The following RNF150 variants were observed in gnomAD, a reference collection of about 807,000 sequenced individuals.
RNF150 encodes ring finger protein 150.
A neutral mutation model predicts 39.3 loss-of-function variants in RNF150; 24 were observed. The ratio of observed to expected loss-of-function variants is 0.61; its 90% CI spans 0.44 to 0.86. The LOEUF is 0.86. Ranked by LOEUF, RNF150 falls within the 40% of genes least tolerant of loss-of-function variation. The pLI is 0.00. For missense variants in RNF150, 502 were observed against 587.8 expected (o/e 0.85, Z 1.51); for synonymous variants, 255 against 227.3 (o/e 1.12, Z -1.10).
At chr4:141,083,094 C>G (rs1177203385) in intron 1 of RNF150, among the ~76,000 whole-genome samples, 1 of 152,150 alleles carries the variant, frequency 6.6e-6, no homozygotes, top group Non-Finnish European at 1.5e-5. Context: ...TGTTTTCTGA[C>G]TTTTAAGACA....
rs1391452240 is a variant in RNF150, at chr4:140,864,156, G to A, written c.*4105C>T. The A allele has an allele frequency of 6.6e-6, 1 of 152,184 alleles. No homozygotes were observed. Among genetic ancestry groups the A allele is most frequent in the Non-Finnish European group, 1.5e-5 (1 of 68,030 alleles). The allele number at this position is 152,184 out of a possible 1,614,324, so 9.4% of individuals were successfully genotyped here. ...AACAAAATGAACATTTTTGGACAGAGCTTTGCCTCCATGATTCTGATCATT... is the reference window on the plus strand; with the variant it reads ...AACAAAATGAACATTTTTGGACAGAACTTTGCCTCCATGATTCTGATCATT... On this transcript the variant is annotated 3_prime_UTR_variant, in exon 7 of 7. Transcript: ENST00000515673.
At chr4:140,959,729 C>T (rs992072333) in intron 2 of RNF150, among the ~76,000 whole-genome samples, 9 of 152,196 alleles carry the variant, frequency 5.9e-5, no homozygotes, top group African/African-American at 1.7e-4. Context: ...TGTTTCAACT[C>T]CCTCAGAGTG....
intron 6 of RNF150, among the ~76,000 whole-genome samples, chr4:140,889,688 G>C (rs1409419245): frequency 6.6e-6 from 1 of 152,116 alleles, no homozygotes; most frequent in Non-Finnish European, 1.5e-5. Context: ...ATGATATTTA[G>C]GTCTCTGTCC....
rs70946722 is a variant in RNF150, at chr4:140,999,977, A to AGAAGAAG, written c.485-32105_485-32104insCTTCTTC. Among the ~76,000 whole-genome samples the AGAAGAAG allele has an allele frequency of 8.7e-4, 30 of 34,636 alleles. 1 individual carries two copies. Among genetic ancestry groups the AGAAGAAG allele is most frequent in the African/African-American group, 1.6e-3 (17 of 10,498 alleles). The allele number at this position is 34,636 out of a possible 152,430, so 22.7% of individuals were successfully genotyped here. A position where few individuals can be genotyped will look rare whatever the true frequency, so the allele number is the denominator to read the frequency against. ...AAGAAGAAGAAGAAGAAGAAGAAGA[A>AGAAGAAG]AAGAAGAAAAGAAGAAAAGAAGAAG... On this transcript the variant is annotated intron_variant, in intron 1 of 6. Transcript: ENST00000515673.
intron 1 of RNF150, among the ~76,000 whole-genome samples, chr4:140,980,727 T>C (rs1290445034): frequency 6.6e-6 from 1 of 152,118 alleles, no homozygotes. Flanking sequence ...ACGTGTTTGC[T>C]TCCCCTTCCG....
intron 2 of RNF150, among the ~76,000 whole-genome samples, chr4:140,966,284 G>T (rs148441215): frequency 6.6e-6 from 1 of 152,080 alleles, no homozygotes; most frequent in African/African-American, 2.4e-5. Flanking sequence ...AGGTTGCAAT[G>T]AGCCAAGATT....
intron 6 of RNF150, among the ~76,000 whole-genome samples, chr4:140,885,731 T>C (rs1729547202): frequency 6.6e-6 from 1 of 151,658 alleles, no homozygotes; most frequent in African/African-American, 2.4e-5. Flanking sequence ...GCCTCCCACA[T>C]AGCTGGGATT....
At chr4:140,920,856 C>T (rs918331666) in intron 5 of RNF150, among the ~76,000 whole-genome samples, 13 of 150,598 alleles carry the variant, frequency 8.6e-5, no homozygotes, top group African/African-American at 2.2e-4. Flanking sequence ...ACTATGCAGC[C>T]GTAAAAAATG....
At chr4:140,942,573 G>GGAACTATATGCGGTATGAGTC (rs1304070592) in intron 4 of RNF150, among the ~76,000 whole-genome samples, 138 of 152,302 alleles carry the variant, frequency 9.1e-4, no homozygotes, top group African/African-American at 3.2e-3. Flanking sequence ...TTTACAAAAT[G>GGAACTATATGCGGTATGAGTC]GAACTATATG....
At chr4:141,120,950 G>A (rs140157868) in intron 1 of RNF150, among the ~76,000 whole-genome samples, 309 of 151,438 alleles carry the variant, frequency 2.0e-3, no homozygotes, top group Admixed American at 2.3e-3. Flanking sequence ...ACCAGCTAGA[G>A]GTGACAGTGG....
chr4:140,918,798 C>T (rs1730968605), intron 5 of RNF150, among the ~76,000 whole-genome samples: 1 of 152,094 alleles, frequency 6.6e-6, no homozygotes, highest in Admixed American at 6.5e-5. Flanking sequence ...AAAATACTGG[C>T]AAACCAAATC....
intron 1 of RNF150, among the ~76,000 whole-genome samples, chr4:141,017,140 G>A (rs953400147): frequency 6.6e-6 from 1 of 151,952 alleles, no homozygotes; most frequent in Non-Finnish European, 1.5e-5. Flanking sequence ...ATCTCCAATT[G>A]CTTGCTCCAC....
intron 1 of RNF150, among the ~76,000 whole-genome samples, chr4:141,169,843 GTCATTTA>G (rs1727668756): frequency 6.6e-6 from 1 of 151,790 alleles, no homozygotes; most frequent in East Asian, 1.9e-4. Flanking sequence ...AGAGTCATGA[GTCATTTA>G]ACACATTTTT....
At chr4:140,992,336 C>T (rs1027784186) in intron 1 of RNF150, among the ~76,000 whole-genome samples, 1 of 151,876 alleles carries the variant, frequency 6.6e-6, no homozygotes, top group Non-Finnish European at 1.5e-5. Flanking sequence ...TGCCACTGCA[C>T]TCAAACCTGG....
chr4:141,171,991 G>T (rs535428912), intron 1 of RNF150, among the ~76,000 whole-genome samples: 1 of 152,008 alleles, frequency 6.6e-6, no homozygotes, highest in Non-Finnish European at 1.5e-5. Context: ...TTATAATACC[G>T]CATATCATAT....
intron 1 of RNF150, among the ~76,000 whole-genome samples, chr4:140,974,593 G>C (rs796657560): frequency 5.3e-5 from 8 of 152,250 alleles, no homozygotes; most frequent in African/African-American, 1.9e-4. Flanking sequence ...TTTCCAGAGT[G>C]GCTGTATCAT....
At chr4:140,932,715 G>A (rs1357467470) in intron 4 of RNF150, among the ~76,000 whole-genome samples, 1 of 152,200 alleles carries the variant, frequency 6.6e-6, no homozygotes, top group African/African-American at 2.4e-5. Context: ...CAGTATGTCA[G>A]CTCTCCATCT....
intron 6 of RNF150, among the ~76,000 whole-genome samples, chr4:140,881,431 T>C (rs1404938416): frequency 6.6e-6 from 1 of 152,214 alleles, no homozygotes; most frequent in East Asian, 1.9e-4. Context: ...CCCAATCTGC[T>C]GGGATTACAA....
At chr4:141,182,133 T>A (rs1331950038) in intron 1 of RNF150, among the ~76,000 whole-genome samples, 1 of 150,352 alleles carries the variant, frequency 6.7e-6, no homozygotes, top group Non-Finnish European at 1.5e-5. Context: ...TCAACAACCC[T>A]TCATGCTAAA....
Sources: gnomAD v4.1 joint callset for allele counts (sites outside exome capture counted in the v4.1 genomes callset) on GRCh38, gnomAD v4.1.1 for gene constraint, MANE v1.5 for transcripts, NCBI Gene and HGNC (gene_info 2026-07-23, HGNC 2026-07-21) for gene names.